The following FOXN3 variants were observed in gnomAD, a reference collection of about 807,000 sequenced individuals.
FOXN3 encodes forkhead box protein N3.
FOXN3 carries 7 observed loss-of-function variants against 38.4 expected under a neutral mutation model. That is an observed-to-expected ratio of 0.18 (90% confidence interval 0.10 to 0.34). The LOEUF (loss-of-function observed/expected upper bound fraction) is 0.34. FOXN3 is among the 10% of genes least tolerant of loss of function. The pLI, the probability that FOXN3 is intolerant of heterozygous loss-of-function variation, is 1.00. For missense variants in FOXN3, 456 were observed against 613.4 expected, an observed-to-expected ratio of 0.74 and a Z score of 2.71; for synonymous variants, 230 against 242.2, an observed-to-expected ratio of 0.95 and a Z score of 0.47.
At position 89,510,611 on chromosome 14, in the gene FOXN3, C is replaced by T. The variant is rs565078201; in HGVS notation, c.-14-98121G>A. ...ACCACAAGCACAGTCACACTCAGAG[C>T]GACAGGAAGTTGTCAGAGTTCAGAG... On this transcript the variant is annotated intron_variant, in intron 1 of 6. Coordinates refer to the FOXN3 transcript ENST00000345097. Among the ~76,000 whole-genome samples, 42 of 152,150 alleles carry T rather than the reference C, an allele frequency of 2.8e-4. 1 individual carries two copies. In the East Asian group the frequency reaches 6.6e-3, roughly 24 times the overall value.
chr14:89,289,199 AAAAGAAAAAGAAAAG>A (rs1886781959), intron 3 of FOXN3, among the ~76,000 whole-genome samples: 1 of 6,206 alleles, frequency 1.6e-4, no homozygotes. Context: ...AAAAAAAAAG[AAAAGAAAAAGAAAAG>A]AAAAGAAAAA....
chr14:89,350,374 G>A, intron 3 of FOXN3: 1 of 228,316 alleles, frequency 4.4e-6, no homozygotes, highest in Non-Finnish European at 8.4e-6. Flanking sequence ...AACAAAACAT[G>A]ACACACACCG....
intron 4 of FOXN3, among the ~76,000 whole-genome samples, chr14:89,209,571 TAC>T (rs1410674674): frequency 6.6e-6 from 1 of 152,180 alleles, no homozygotes; most frequent in Non-Finnish European, 1.5e-5. Flanking sequence ...CCCTGAGAAA[TAC>T]AGTTTTTACC....
intron 3 of FOXN3, among the ~76,000 whole-genome samples, chr14:89,310,772 T>G (rs1887515481): frequency 6.6e-6 from 1 of 152,024 alleles, no homozygotes; most frequent in Non-Finnish European, 1.5e-5. Flanking sequence ...CATTCTACAC[T>G]CGGCAACCCT....
In FOXN3 at chr14:89,506,434, C is replaced by T. The variant is rs559510276; in HGVS notation, c.-14-93944G>A. ...GGAGCCCCTCTGCCTGGCCAGCTGC[C>T]CCGACCGGGAGGGAGGTTGGGGGGG... On this transcript the variant is annotated intron_variant, in intron 1 of 6. Coordinates refer to the FOXN3 transcript ENST00000345097. 6.0e-5 allele frequency among the ~76,000 whole-genome samples: 9 copies of T among 148,814 alleles called. No individual in the cohort carries two copies. In the South Asian group the frequency reaches 1.7e-3, roughly 28 times the overall value.
At chr14:89,489,654 G>A (rs1893531612) in intron 1 of FOXN3, among the ~76,000 whole-genome samples, 1 of 152,190 alleles carries the variant, frequency 6.6e-6, no homozygotes, top group African/African-American at 2.4e-5. Flanking sequence ...CTCTGCAGTA[G>A]TTTAGTCCCA....
chr14:89,212,587 G>A (rs1260179595), intron 4 of FOXN3, among the ~76,000 whole-genome samples: 5 of 152,184 alleles, frequency 3.3e-5, no homozygotes, highest in African/African-American at 7.2e-5. Context: ...ACACAGATCC[G>A]GCGATGGCAG....
upstream of FOXN3, among the ~76,000 whole-genome samples, chr14:89,418,336 T>G (rs1440008566): frequency 1.3e-5 from 2 of 151,624 alleles, no homozygotes; most frequent in Non-Finnish European, 2.9e-5. Context: ...TGCAGTACTT[T>G]TAAACCTAGC....
At chr14:89,357,636 C>G (rs981048307) in intron 2 of FOXN3, among the ~76,000 whole-genome samples, 8 of 151,370 alleles carry the variant, frequency 5.3e-5, no homozygotes, top group African/African-American at 1.7e-4. Context: ...AGAGAGAGAG[C>G]TAGAAACCTG....
chr14:89,320,830 A>G (rs1156602193), intron 3 of FOXN3, among the ~76,000 whole-genome samples: 2 of 152,234 alleles, frequency 1.3e-5, no homozygotes, highest in African/African-American at 4.8e-5. Flanking sequence ...AAAAAGCCTT[A>G]AAGTATTAAG....
rs117458339 is a variant in FOXN3 at position 89,267,147 on chromosome 14, T to C, written c.745+13803A>G. ...TCAAGCAGTTGAGGGGCAATTCTGATAAAGGTACTGTGAGCAGGTTTGACC... is the reference window on the plus strand; with the variant it reads ...TCAAGCAGTTGAGGGGCAATTCTGACAAAGGTACTGTGAGCAGGTTTGACC... On this transcript the variant is annotated intron_variant, in intron 4 of 5. Transcript: ENST00000557258. Among the ~76,000 whole-genome samples the C allele has an allele frequency of 5.0e-3, 757 of 152,176 alleles. 2 individuals carry two copies. The highest frequency in any genetic ancestry group is 8.7e-3 in the Non-Finnish European group (594 of 68,018).
chr14:89,461,681 T>C (rs1312401342), intron 1 of FOXN3, among the ~76,000 whole-genome samples: 1 of 152,066 alleles, frequency 6.6e-6, no homozygotes, highest in Non-Finnish European at 1.5e-5. Context: ...ATCTACAACA[T>C]GATGTCTAGA....
chr14:89,551,215 G>T (rs572248658), intron 1 of FOXN3, among the ~76,000 whole-genome samples: 1 of 152,334 alleles, frequency 6.6e-6, no homozygotes, highest in Non-Finnish European at 1.5e-5. Context: ...TGATAGGATG[G>T]TGAGGTGGAG....
intron 1 of FOXN3, among the ~76,000 whole-genome samples, chr14:89,498,677 C>A (rs1271448009): frequency 6.6e-6 from 1 of 151,990 alleles, no homozygotes; most frequent in Non-Finnish European, 1.5e-5. Context: ...AAGAGGACTT[C>A]CTAGAGGTGA....
chr14:89,354,457 C>T (rs1889114528), intron 2 of FOXN3, among the ~76,000 whole-genome samples: 1 of 150,462 alleles, frequency 6.6e-6, no homozygotes, highest in African/African-American at 2.4e-5. Flanking sequence ...AACTCCTAAC[C>T]TGAAGTGATC....
intron 1 of FOXN3, among the ~76,000 whole-genome samples, chr14:89,426,228 T>A (rs1048476189): frequency 1.4e-5 from 2 of 143,474 alleles, no homozygotes; most frequent in African/African-American, 5.2e-5. Context: ...TTTTTTTTTT[T>A]TTTTTTTTTT....
rs77305579 is a variant in FOXN3 at position 89,573,212 on chromosome 14, G to A, written c.-15+45816C>T. 7.0e-4 allele frequency among the ~76,000 whole-genome samples: 106 copies of A among 152,306 alleles called. No homozygotes were observed. The East Asian group carries it at 0.011, about 16-fold the overall frequency. ...GATCAGCCGCCGTGGGAAAGGTGCTGAGCCAGAGATATTTCACTGAAATAA... is the reference window on the plus strand; with the variant it reads ...GATCAGCCGCCGTGGGAAAGGTGCTAAGCCAGAGATATTTCACTGAAATAA... On this transcript the variant is annotated intron_variant, in intron 1 of 6. Transcript: ENST00000345097.
chr14:89,434,744 G>C (rs1265586476), intron 1 of FOXN3, among the ~76,000 whole-genome samples: 1 of 152,094 alleles, frequency 6.6e-6, no homozygotes, highest in Non-Finnish European at 1.5e-5. Flanking sequence ...AACCTTCTTT[G>C]AATGTCCTAC....
chr14:89,325,247 CG>C (rs1361153818), intron 3 of FOXN3, among the ~76,000 whole-genome samples: 1 of 137,718 alleles, frequency 7.3e-6, no homozygotes, highest in African/African-American at 3.3e-5. Context: ...ACCACCACCA[CG>C]ACCACCACCA....
Sources: allele counts gnomAD v4.1 joint callset (sites outside exome capture counted in the v4.1 genomes callset), GRCh38; gene constraint gnomAD v4.1.1; transcripts MANE v1.5; gene names NCBI Gene and HGNC (gene_info 2026-07-23, HGNC 2026-07-21).